PLB1: variants seen among roughly 807,000 people sequenced by gnomAD.
PLB1 encodes phospholipase B1.
PLB1 carries 242 observed loss-of-function variants against 227.4 expected under a neutral mutation model. The ratio of observed to expected loss-of-function variants is 1.06; its 90% CI spans 0.96 to 1.18. The LOEUF (loss-of-function observed/expected upper bound fraction) is 1.18. Among genes scored for constraint, PLB1 ranks in the 50% most tolerant of loss-of-function variants. PLB1 has a pLI of 0.00. For missense variants in PLB1, 1,858 were observed against 1,816.3 expected (o/e 1.02, Z -0.42); for synonymous variants, 757 against 682.2 (o/e 1.11, Z -1.71).
At chr2:28,600,457 G>A (rs1450015212) in intron 35 of PLB1, among the ~76,000 whole-genome samples, 1 of 152,184 alleles carries the variant, frequency 6.6e-6, no homozygotes, top group Admixed American at 6.5e-5. Flanking sequence ...AGTTTCATAG[G>A]TCTAATTTTA....
At chr2:28,583,821 C>T (rs552039705) in intron 25 of PLB1, among the ~76,000 whole-genome samples, 30 of 150,856 alleles carry the variant, frequency 2.0e-4, no homozygotes, top group Non-Finnish European at 3.8e-4. Flanking sequence ...TGGCTTAAAA[C>T]GATAGCCATA....
intron 17 of PLB1, among the ~76,000 whole-genome samples, chr2:28,554,020 A>T (rs1468635251): frequency 6.6e-6 from 1 of 152,192 alleles, no homozygotes; most frequent in Non-Finnish European, 1.5e-5. Context: ...AGGAAAGTTA[A>T]AAATATTCTA....
chr2:28,550,133 C>T lies in PLB1; in HGVS notation c.1083+49C>T, dbSNP rs762107367. 9 of 1,389,048 alleles carry T rather than the reference C, an allele frequency of 6.5e-6. No individual in the cohort carries two copies. In the East Asian group the frequency reaches 1.9e-4, roughly 29 times the overall value. The allele number at this position is 1,389,048 out of a possible 1,614,324, so 86.0% of individuals were successfully genotyped here. Reference sequence around the variant, plus strand: ...GACAAACATGCAGATGAACCAGGGGCTGTACTTCTTGCTGAATCTTTCGAA... The same window carrying T: ...GACAAACATGCAGATGAACCAGGGGTTGTACTTCTTGCTGAATCTTTCGAA... On this transcript the variant is annotated intron_variant, in intron 16 of 57. Coordinates refer to ENST00000327757, the MANE Select transcript of PLB1 (RefSeq NM_153021.5).
At chr2:28,501,730 A>G (rs1341865630) in intron 1 of PLB1, among the ~76,000 whole-genome samples, 2 of 152,126 alleles carry the variant, frequency 1.3e-5, no homozygotes, top group East Asian at 1.9e-4. Context: ...ATAACCTACT[A>G]TACATGTTTT....
At chr2:28,634,848 C>T (rs13020458) in intron 56 of PLB1, among the ~76,000 whole-genome samples, 4,860 of 152,046 alleles carry the variant, frequency 0.032, 116 homozygotes, top group Non-Finnish European at 0.05. Context: ...GAGGTCAAGG[C>T]TGCAATGAGC....
intron 9 of PLB1, 83 bp downstream of exon 9, chr2:28,532,277 C>G (rs1419918451): frequency 8.8e-7 from 1 of 1,139,588 alleles, no homozygotes; most frequent in African/African-American, 1.6e-5. Context: ...TTACCCAATC[C>G]CCAGCTGTCA....
rs1670716728 is a variant in PLB1, at chr2:28,529,461, C to T, written c.416+54C>T. ...GTTATGTGTTCCTACTGGTCTTCAA[C>T]ATATAGGTGGGAGGATTTGGGGGGC... On this transcript the variant is annotated intron_variant, in intron 7 of 57. Transcript: ENST00000327757. 11 of 1,415,054 alleles carry T rather than the reference C, an allele frequency of 7.8e-6. No individual in the cohort carries two copies. In the Admixed American group the frequency reaches 1.9e-4, roughly 24 times the overall value. 87.7% of individuals were successfully genotyped at this position (1,415,054 alleles called of 1,614,324 possible). A position where few individuals can be genotyped will look rare whatever the true frequency, so the allele number is the denominator to read the frequency against.
intron 14 of PLB1, among the ~76,000 whole-genome samples, chr2:28,544,125 T>C (rs1572875514): frequency 1.3e-5 from 2 of 152,194 alleles, no homozygotes; most frequent in East Asian, 3.8e-4. Context: ...TCAGCACACA[T>C]GAGCCAGTGT....
chr2:28,591,500 T>C (rs575720719), intron 30 of PLB1, among the ~76,000 whole-genome samples, 200 bp from the exon 31 acceptor site: 4 of 152,304 alleles, frequency 2.6e-5, no homozygotes, highest in East Asian at 1.9e-4. Flanking sequence ...TGGAGGGGTC[T>C]GAACTCGATG....
chr2:28,613,707 C>A (rs898913040), intron 43 of PLB1, among the ~76,000 whole-genome samples: 5 of 152,072 alleles, frequency 3.3e-5, no homozygotes, highest in Non-Finnish European at 5.9e-5. Context: ...GAATCCCTTG[C>A]TAGAGAAATT....
At chr2:28,584,447 C>G (rs1406971312) in intron 25 of PLB1, among the ~76,000 whole-genome samples, 2 of 152,242 alleles carry the variant, frequency 1.3e-5, no homozygotes, top group African/African-American at 2.4e-5. Flanking sequence ...CTCACACTTT[C>G]TCCAGTCACT....
At chr2:28,514,388 GTTC>G (rs199587554) in intron 1 of PLB1, among the ~76,000 whole-genome samples, 2,770 of 152,120 alleles carry the variant, frequency 0.018, 49 homozygotes, top group Non-Finnish European at 0.027. Context: ...TTCTAACTTT[GTTC>G]TTCTTCAATA....
In PLB1 at chr2:28,566,526, A is replaced by T. The variant is rs1210453138; in HGVS notation, c.1281-270A>T. On this transcript the variant is annotated intron_variant, in intron 19 of 57. Coordinates refer to ENST00000327757, the MANE Select transcript of PLB1 (RefSeq NM_153021.5). ...ACTTCCCCTTTGAAAGCAGGGGTGC[A>T]AGGAACCAACCTACCTCCCCTTCCC... 2.2e-5 allele frequency: 10 copies of T among 449,912 alleles called. No homozygotes were observed. In the Admixed American group the frequency reaches 3.3e-4, roughly 15 times the overall value. The allele number at this position is 449,912 out of a possible 1,614,324, so 27.9% of individuals were successfully genotyped here. A position where few individuals can be genotyped will look rare whatever the true frequency, so the allele number is the denominator to read the frequency against.
intron 41 of PLB1, 91 bp from the exon 42 acceptor site, chr2:28,605,762 G>A: frequency 1.1e-6 from 1 of 930,992 alleles, no homozygotes; most frequent in East Asian, 2.4e-5. Flanking sequence ...GGGAAGGAAG[G>A]TGTTGAGTGG....
intron 44 of PLB1, among the ~76,000 whole-genome samples, chr2:28,616,617 A>C (rs977010355): frequency 6.6e-6 from 1 of 152,228 alleles, no homozygotes; most frequent in Non-Finnish European, 1.5e-5. Flanking sequence ...CTGGTTCACC[A>C]ACTATCTGAG....
chr2:28,581,666 T>C (rs1254082380), intron 23 of PLB1, among the ~76,000 whole-genome samples: 4 of 151,998 alleles, frequency 2.6e-5, no homozygotes, highest in Non-Finnish European at 2.9e-5. Flanking sequence ...TGTGACTGAA[T>C]ACAGAAAGAA....
intron 16 of PLB1, among the ~76,000 whole-genome samples, chr2:28,550,987 C>T (rs552204339): frequency 6.6e-6 from 1 of 152,288 alleles, no homozygotes; most frequent in African/African-American, 2.4e-5. Flanking sequence ...GGAAGCAGGT[C>T]TCCCCCACAG....
intron 33 of PLB1, chr2:28,594,924 T>C (rs1300033613): frequency 6.6e-6 from 1 of 152,044 alleles, no homozygotes; most frequent in Non-Finnish European, 1.5e-5. Flanking sequence ...GGAAAGAGCA[T>C]GAGGTTCTGG....
intron 44 of PLB1, 53 bp downstream of exon 44, chr2:28,614,149 C>T (rs371477638): frequency 7.4e-5 from 111 of 1,496,250 alleles, no homozygotes; most frequent in East Asian, 7.0e-4. Flanking sequence ...TTCCACCTGC[C>T]AGGGGCTCGG....
Sources: allele counts gnomAD v4.1 joint callset (sites outside exome capture counted in the v4.1 genomes callset), GRCh38; gene constraint gnomAD v4.1.1; transcripts MANE v1.5; gene names NCBI Gene and HGNC (gene_info 2026-07-23, HGNC 2026-07-21).